IGF2BP2: variants seen among roughly 807,000 people sequenced by gnomAD.
The protein encoded by IGF2BP2 is insulin-like growth factor 2 mRNA-binding protein 2.
IGF2BP2 carries 17 observed loss-of-function variants against 75.8 expected under a neutral mutation model. The observed-to-expected ratio is 0.22, with a 90% CI of 0.15 to 0.34. IGF2BP2 has a LOEUF of 0.34. Among genes scored for constraint, IGF2BP2 ranks in the 10% least tolerant of loss-of-function variants. The probability of loss-of-function intolerance (pLI) is 1.00; values close to 1 mark genes in which losing one functional copy is unlikely to be tolerated. For missense variants in IGF2BP2, 516 were observed against 772.4 expected (o/e 0.67, Z 3.93); for synonymous variants, 288 against 295.6 (o/e 0.97, Z 0.26).
chr3:185,763,132 A>G (rs2149704593), intron 2 of IGF2BP2, among the ~76,000 whole-genome samples: 1 of 152,268 alleles, frequency 6.6e-6, no homozygotes, highest in Non-Finnish European at 1.5e-5. Flanking sequence ...CTGGGATTGG[A>G]TCCAGGCACT....
intron 2 of IGF2BP2, chr3:185,728,140 G>A (rs1305827274): frequency 2.0e-5 from 3 of 152,242 alleles, no homozygotes; most frequent in African/African-American, 4.8e-5. Context: ...ACCAACCCCA[G>A]CCTATGAGAG....
chr3:185,807,733 C>G lies in IGF2BP2; in HGVS notation c.239+15420G>C, dbSNP rs562165045. Among the ~76,000 whole-genome samples the G allele has an allele frequency of 6.6e-5, 10 of 152,330 alleles. No homozygotes were observed. In the South Asian group the frequency reaches 2.1e-3, roughly 32 times the overall value. Reference sequence around the variant, plus strand: ...CATCATAAAAGAAAAGGTGATGTCACTCTCCTTGGCTTTCTTGTTTTATTC... The same window carrying G: ...CATCATAAAAGAAAAGGTGATGTCAGTCTCCTTGGCTTTCTTGTTTTATTC... On this transcript the variant is annotated intron_variant, in intron 2 of 15. Transcript: ENST00000382199.
chr3:185,721,257 T>C (rs1481884657), intron 2 of IGF2BP2, among the ~76,000 whole-genome samples: 1 of 152,166 alleles, frequency 6.6e-6, no homozygotes, highest in Non-Finnish European at 1.5e-5. Context: ...TCACCCAGGC[T>C]GGAGTGCAGT....
intron 15 of IGF2BP2, 125 bp downstream of exon 15, chr3:185,646,900 G>A: frequency 1.4e-6 from 1 of 712,320 alleles, no homozygotes; most frequent in Non-Finnish European, 2.5e-6. Flanking sequence ...GGAAGAACCA[G>A]GGAGAGGTTC....
chr3:185,735,095 T>A (rs1467242730), intron 2 of IGF2BP2, among the ~76,000 whole-genome samples: 1 of 152,112 alleles, frequency 6.6e-6, no homozygotes, highest in Non-Finnish European at 1.5e-5. Context: ...GTGCATTTTA[T>A]CAGTGAATTA....
intron 2 of IGF2BP2, among the ~76,000 whole-genome samples, chr3:185,773,372 A>C (rs950348734): frequency 6.6e-6 from 1 of 152,220 alleles, no homozygotes; most frequent in Non-Finnish European, 1.5e-5. Context: ...TTAGACCTTC[A>C]AATAATTTAA....
intron 2 of IGF2BP2, among the ~76,000 whole-genome samples, chr3:185,699,386 G>A (rs1722998623): frequency 6.6e-6 from 1 of 152,130 alleles, no homozygotes; most frequent in Non-Finnish European, 1.5e-5. Flanking sequence ...AGGTCATATA[G>A]TGGGCTTCAA....
chr3:185,723,880 C>A (rs1170774461), intron 2 of IGF2BP2, among the ~76,000 whole-genome samples: 1 of 152,134 alleles, frequency 6.6e-6, no homozygotes, highest in Non-Finnish European at 1.5e-5. Flanking sequence ...AAGAAGAGGA[C>A]AAAAGACAGT....
intron 2 of IGF2BP2, among the ~76,000 whole-genome samples, chr3:185,790,464 C>T (rs559176249): frequency 1.9e-4 from 29 of 152,272 alleles, no homozygotes; most frequent in Non-Finnish European, 3.5e-4. Flanking sequence ...AAACAGCCCA[C>T]GTAAATTATA....
intron 2 of IGF2BP2, among the ~76,000 whole-genome samples, chr3:185,783,097 G>T (rs748983297): frequency 2.6e-5 from 4 of 152,128 alleles, no homozygotes; most frequent in Admixed American, 6.6e-5. Context: ...AAGGTTTATG[G>T]ATAAAAGGAT....
intron 2 of IGF2BP2, among the ~76,000 whole-genome samples, chr3:185,761,802 C>G (rs1489262200): frequency 1.3e-5 from 2 of 152,224 alleles, no homozygotes; most frequent in Non-Finnish European, 2.9e-5. Flanking sequence ...GATTTAAACA[C>G]CACTGCATAA....
chr3:185,716,503 T>A (rs1273082241), intron 2 of IGF2BP2: 1 of 519,966 alleles, frequency 1.9e-6, no homozygotes, highest in African/African-American at 1.9e-5. Context: ...AAAGAACAGC[T>A]TTTGGGGAAG....
At chr3:185,739,726 G>A (rs940173311) in intron 2 of IGF2BP2, among the ~76,000 whole-genome samples, 51 of 152,164 alleles carry the variant, frequency 3.4e-4, no homozygotes, top group African/African-American at 1.2e-3. Flanking sequence ...GGAGGTTCCA[G>A]ACCATCTGCC....
intron 12 of IGF2BP2, among the ~76,000 whole-genome samples, chr3:185,652,543 G>A (rs1177888624): frequency 6.6e-6 from 1 of 152,056 alleles, no homozygotes; most frequent in Non-Finnish European, 1.5e-5. Context: ...AGGGCCCAAA[G>A]GGAAGGAAGG....
At position 185,645,710 on chromosome 3, in the gene IGF2BP2, C is replaced by T. The variant is rs1713395688; in HGVS notation, c.1708-87G>A. On this transcript the variant is annotated intron_variant, in intron 15 of 15. Coordinates refer to ENST00000382199, the MANE Select transcript of IGF2BP2 (RefSeq NM_006548.6). The surrounding 1 kb of genome is among the most constrained non-coding windows in gnomAD (Gnocchi z 4.9). ...ACAAACGGCAGGGGAGGCTCTGGGGCTTGGGGATGAAGGGTGGAATGCTCA... is the reference window on the plus strand; with the variant it reads ...ACAAACGGCAGGGGAGGCTCTGGGGTTTGGGGATGAAGGGTGGAATGCTCA... 1.2e-5 allele frequency: 11 copies of T among 945,522 alleles called. No homozygotes were observed. The South Asian group carries it at 1.5e-4, about 13-fold the overall frequency. 58.6% of individuals were successfully genotyped at this position (945,522 alleles called of 1,614,324 possible). A position where few individuals can be genotyped will look rare whatever the true frequency, so the allele number is the denominator to read the frequency against.
At chr3:185,708,123 AT>A (rs1431405270) in intron 2 of IGF2BP2, among the ~76,000 whole-genome samples, 1 of 152,202 alleles carries the variant, frequency 6.6e-6, no homozygotes, top group African/African-American at 2.4e-5. Flanking sequence ...TTTCAGAGAA[AT>A]ACACTGAGGA....
At chr3:185,801,489 CAAAAA>C (rs35823870) in intron 2 of IGF2BP2, among the ~76,000 whole-genome samples, 3 of 51,664 alleles carry the variant, frequency 5.8e-5, no homozygotes, top group Admixed American at 4.5e-4. Context: ...AACTCCATCT[CAAAAA>C]AAAAAAAAAA....
At chr3:185,660,855 C>T (rs998391640) in intron 10 of IGF2BP2, among the ~76,000 whole-genome samples, 1 of 152,166 alleles carries the variant, frequency 6.6e-6, no homozygotes, top group East Asian at 1.9e-4. Context: ...CCTGAAGAAT[C>T]GTTCCTTCAG....
chr3:185,783,276 C>T (rs1347137314), intron 2 of IGF2BP2, among the ~76,000 whole-genome samples: 1 of 152,204 alleles, frequency 6.6e-6, no homozygotes, highest in African/African-American at 2.4e-5. Context: ...TAGATTGAAG[C>T]CTCTGCTCTG....
Sources: gnomAD v4.1 joint callset for allele counts (sites outside exome capture counted in the v4.1 genomes callset) on GRCh38, gnomAD v4.1.1 for gene constraint, Gnocchi (gnomAD v3.1) non-coding constraint, MANE v1.5 for transcripts, NCBI Gene and HGNC (gene_info 2026-07-23, HGNC 2026-07-21) for gene names.